The following POLD1 variants were observed in gnomAD, a reference collection of about 807,000 sequenced individuals.
The protein encoded by POLD1 is DNA polymerase delta 1, catalytic subunit.
POLD1 carries 79 observed loss-of-function variants against 129.7 expected under a neutral mutation model. The ratio of observed to expected loss-of-function variants is 0.61; its 90% CI spans 0.51 to 0.73. The LOEUF (loss-of-function observed/expected upper bound fraction) is 0.73, where lower values mean the gene tolerates loss of function less well. Among genes scored for constraint, POLD1 ranks in the 30% least tolerant of loss-of-function variants. POLD1 has a pLI of 0.00. For synonymous variants in POLD1, 714 were observed against 683.3 expected (o/e 1.04, Z -0.70); for missense variants, 1,338 against 1,595.8 (o/e 0.84, Z 2.75).
chr19:50,396,476 A>T (rs940992894), intron 1 of POLD1, among the ~76,000 whole-genome samples: 1 of 149,544 alleles, frequency 6.7e-6, no homozygotes, highest in African/African-American at 2.5e-5. Flanking sequence ...CCAAAATAAT[A>T]ATATATATAT....
In POLD1 at chr19:50,415,741, C is replaced by A; in HGVS notation, c.2735C>A (p.Pro912His). 1 of 1,560,306 alleles carries A rather than the reference C, an allele frequency of 6.4e-7. No homozygotes were observed. The highest frequency in any genetic ancestry group is 8.7e-7 in the Non-Finnish European group (1 of 1,155,672). ...ELAERMRKRD[P>H]GSAPSLGDRV... is the part of the protein sequence containing the mutation. ...CCACGCAGGATGAGGAAGCGGGACCCCGGGAGTGCGCCCAGCCTGGGCGAC... is the reference window on the plus strand; with the variant it reads ...CCACGCAGGATGAGGAAGCGGGACCACGGGAGTGCGCCCAGCCTGGGCGAC... Residue 912 changes from proline (P) to histidine (H), a missense_variant, in exon 22 of 27, where the codon CCC (proline) becomes CAC (histidine). Coordinates refer to ENST00000440232, the MANE Select transcript of POLD1 (RefSeq NM_002691.4).
intron 17 of POLD1, among the ~76,000 whole-genome samples, chr19:50,411,571 T>G (rs906494814): frequency 2.0e-5 from 3 of 152,224 alleles, no homozygotes; most frequent in Non-Finnish European, 4.4e-5. Context: ...CTGGGCGCGG[T>G]GGCTCACGCC....
rs1555790429 is a variant in POLD1 at position 50,403,147 on chromosome 19, C to T, written c.1065C>T (p.Leu355=). The change falls in exon 9 of 27, where the codon CTC becomes CTT. Residue 355 remains leucine, a synonymous_variant. Transcript: ENST00000440232. ...CGGAGCCCTTCCTACGCCTGGCGCT[C>T]ACCCTGCGGCCCTGTGCCCCCATCC... ...GEPEPFLRLA[L]TLRPCAPILG... The T allele has an allele frequency of 6.4e-7, 1 of 1,560,994 alleles. No homozygotes were observed. The highest frequency in any genetic ancestry group is 8.7e-7 in the Non-Finnish European group (1 of 1,152,298).
chr19:50,395,227 C>T lies in POLD1; in HGVS notation c.-1-3624C>T, dbSNP rs767635880. On this transcript the variant is annotated intron_variant, in intron 1 of 26. Transcript: ENST00000440232. The stretch of plus-strand genomic sequence containing the variant: ...GAAAGAATAAATAGTGTAGGCCGGG[C>T]GCGGTGGCTGGGTACAGGTACTTTT... 1.7e-5 allele frequency: 2 copies of T among 120,042 alleles called. 1 individual carries two copies. Among genetic ancestry groups the T allele is most frequent in the African/African-American group, 8.6e-5 (2 of 23,264 alleles). The allele number at this position is 120,042 out of a possible 1,614,324, so 7.4% of individuals were successfully genotyped here. A position where few individuals can be genotyped will look rare whatever the true frequency, so the allele number is the denominator to read the frequency against.
chr19:50,415,365 C>A, intron 20 of POLD1, 73 bp from the exon 21 acceptor site: 1 of 1,468,272 alleles, frequency 6.8e-7, no homozygotes, highest in South Asian at 1.2e-5. Flanking sequence ...GGTCTCCAGC[C>A]CTGAGACCCG....
Position 50,406,237 on chromosome 19 carries a change from A to T in POLD1, c.1298A>T (p.Asp433Val), listed in dbSNP as rs767560532. Residue 433 changes from aspartate to valine, a missense_variant, in exon 11 of 27, where the codon GAC becomes GTC. Coordinates refer to ENST00000440232, the MANE Select transcript of POLD1 (RefSeq NM_002691.4). The surrounding 1 kb of genome is among the most constrained non-coding windows in gnomAD (Gnocchi z 5.5). ...RVAGLCSNIR[D>V]SSFQSKQTGR... ...GCCGGCCTTTGCTCCAACATCCGGG[A>T]CTCTTCATTCCAGTCCAAGCAGACG... The T allele has an allele frequency of 1.2e-6, 2 of 1,613,192 alleles. No homozygotes were observed. Among genetic ancestry groups the T allele is most frequent in the Non-Finnish European group, 1.7e-6 (2 of 1,179,802 alleles).
intron 1 of POLD1, among the ~76,000 whole-genome samples, chr19:50,390,383 C>G (rs930466015): frequency 3.3e-5 from 5 of 151,998 alleles, no homozygotes; most frequent in African/African-American, 1.2e-4. Flanking sequence ...GTGTGTACCC[C>G]ATTTGTACCT....
At chr19:50,417,143 G>A (rs775364537) in intron 25 of POLD1, 29 bp from the exon 26 acceptor site, 3 of 1,575,048 alleles carry the variant, frequency 1.9e-6, no homozygotes, top group Admixed American at 3.7e-5. Context: ...GGAGGCGGGG[G>A]CGCCCTGCTC....
chr19:50,397,068 G>A (rs1221075809), intron 1 of POLD1, among the ~76,000 whole-genome samples: 2 of 132,398 alleles, frequency 1.5e-5, no homozygotes, highest in Admixed American at 1.6e-4. Flanking sequence ...TCCAGCCTGG[G>A]TGACAGAGCG....
Position 50,409,497 on chromosome 19 carries a change from C to T in POLD1, c.2007-22C>T. 1 of 1,613,484 alleles carries T rather than the reference C, an allele frequency of 6.2e-7. No homozygotes were observed. The highest frequency in any genetic ancestry group is 1.1e-5 in the South Asian group (1 of 91,082). ...AATGCCCAGGTGCCGCCTGAGTGTGCTTTCCCCGTGTTCCCTCGCAGGGCC... is the reference window on the plus strand; with the variant it reads ...AATGCCCAGGTGCCGCCTGAGTGTGTTTTCCCCGTGTTCCCTCGCAGGGCC... On this transcript the variant is annotated intron_variant, in intron 16 of 26. Coordinates refer to ENST00000440232, the MANE Select transcript of POLD1 (RefSeq NM_002691.4). This position sits in a 1 kb window ranked among gnomAD's most constrained non-coding sequence, Gnocchi z 5.8.
rs531977391 is a variant in POLD1 at position 50,411,835 on chromosome 19, G to A, written c.2155-1591G>A. On this transcript the variant is annotated intron_variant, in intron 17 of 26. Transcript: ENST00000440232. ...AGCCTGGGCAACAGAGCAAAACTCCGTCTCAAAAAAAAAAAAAAGTAATGA... is the reference window on the plus strand; with the variant it reads ...AGCCTGGGCAACAGAGCAAAACTCCATCTCAAAAAAAAAAAAAAGTAATGA... Among the ~76,000 whole-genome samples the A allele has an allele frequency of 1.1e-4, 15 of 135,372 alleles. No individual in the cohort carries two copies. In the South Asian group the frequency reaches 3.0e-3, roughly 27 times the overall value. The allele number at this position is 135,372 out of a possible 152,430, so 88.8% of individuals were successfully genotyped here.
At position 50,413,784 on chromosome 19, in the gene POLD1, G is replaced by C. The variant is rs759190487; in HGVS notation, c.2293G>C (p.Val765Leu). ...TGACTCCGTCATGTGCCGATTCGGC[G>C]TGTCCTCGGTGGCTGAGGCGATGGC... is the stretch of plus-strand genomic sequence containing the variant. ...DTDSVMCRFG[V>L]SSVAEAMALG... is the part of the protein sequence containing the mutation. Residue 765 changes from valine (V) to leucine (L), a missense_variant, in exon 19 of 27, where the codon GTG (valine) becomes CTG (leucine). Val to Leu is a conservative substitution (Grantham distance 32). Coordinates refer to ENST00000440232, the MANE Select transcript of POLD1 (RefSeq NM_002691.4). 6.2e-7 allele frequency: 1 copy of C among 1,611,860 alleles called. No homozygotes were observed. Among genetic ancestry groups the C allele is most frequent in the Non-Finnish European group, 8.5e-7 (1 of 1,179,604 alleles).
rs762280958 is a variant in POLD1, at chr19:50,416,634, C to T, written c.2978C>T (p.Thr993Met). ...LLRGDHTRCK[T>M]VLTGKVGGLL... ...GGGGGGGACCACACGCGCTGCAAGACGGTGCTCACGGGCAAGGTGGGCGGC... is the reference window on the plus strand; with the variant it reads ...GGGGGGGACCACACGCGCTGCAAGATGGTGCTCACGGGCAAGGTGGGCGGC... Residue 993 changes from threonine (T) to methionine (M), a missense_variant, in exon 24 of 27, where the codon ACG (threonine) becomes ATG (methionine). Thr to Met is a moderately conservative substitution (Grantham distance 81). Coordinates refer to ENST00000440232, the MANE Select transcript of POLD1 (RefSeq NM_002691.4). 13 of 1,565,678 alleles carry T rather than the reference C, an allele frequency of 8.3e-6. No homozygotes were observed. Among genetic ancestry groups the T allele is most frequent in the East Asian group, 4.7e-5 (2 of 42,254 alleles).
rs780981630 is a variant in POLD1, at chr19:50,416,597, T to C, written c.2954-13T>C. The C allele has an allele frequency of 6.4e-7, 1 of 1,553,172 alleles. No homozygotes were observed. Among genetic ancestry groups the C allele is most frequent in the Non-Finnish European group, 8.7e-7 (1 of 1,152,066 alleles). On this transcript the variant is annotated splice_polypyrimidine_tract_variant and intron_variant, in intron 23 of 26. Coordinates refer to ENST00000440232, the MANE Select transcript of POLD1 (RefSeq NM_002691.4). The stretch of plus-strand genomic sequence containing the variant: ...GGAGATCACCGGCCCACCACCTGCC[T>C]CCTCTCCTGCAGGGGGGGACCACAC...
chr19:50,406,897 A>G lies in POLD1; in HGVS notation c.1495-86A>G. ...TCACCTCCCAGGCCCTCCCCAGGCT[A>G]CCTCACCCTGACCCCCACTTCCTTC... On this transcript the variant is annotated intron_variant, in intron 12 of 26. Coordinates refer to ENST00000440232, the MANE Select transcript of POLD1 (RefSeq NM_002691.4). This position sits in a 1 kb window ranked among gnomAD's most constrained non-coding sequence, Gnocchi z 5.5. 8.9e-7 allele frequency: 1 copy of G among 1,122,520 alleles called. No individual in the cohort carries two copies. Among genetic ancestry groups the G allele is most frequent in the Non-Finnish European group, 1.3e-6 (1 of 788,590 alleles). 69.5% of individuals were successfully genotyped at this position (1,122,520 alleles called of 1,614,324 possible). A position where few individuals can be genotyped will look rare whatever the true frequency, so the allele number is the denominator to read the frequency against.
chr19:50,406,931 C>T lies in POLD1; in HGVS notation c.1495-52C>T, dbSNP rs919548643. 3.6e-6 allele frequency: 5 copies of T among 1,392,008 alleles called. No individual in the cohort carries two copies. The African/African-American group carries it at 7.1e-5, about 20-fold the overall frequency. 86.2% of individuals were successfully genotyped at this position (1,392,008 alleles called of 1,614,324 possible). A position where few individuals can be genotyped will look rare whatever the true frequency, so the allele number is the denominator to read the frequency against. On this transcript the variant is annotated intron_variant, in intron 12 of 26. Transcript: ENST00000440232. This position sits in a 1 kb window ranked among gnomAD's most constrained non-coding sequence, Gnocchi z 5.5. The stretch of plus-strand genomic sequence containing the variant: ...TGACCCCCACTTCCTTCTCCTGCTC[C>T]ACCTCCCACCCCCAACCCCTGGTCC...
In POLD1 at chr19:50,406,146, CCG is replaced by C. The variant is rs772986545; in HGVS notation, c.1243-34_1243-33del. The C allele has an allele frequency of 6.3e-7, 1 of 1,599,558 alleles. No individual in the cohort carries two copies. Among genetic ancestry groups the C allele is most frequent in the African/African-American group, 1.3e-5 (1 of 74,702 alleles). Reference sequence around the variant, plus strand: ...TTCTTCAGGCTTATGTGACGGGGACCCGCAGCCTGCTGCACACCCTGCCTCTC... The same window carrying C: ...TTCTTCAGGCTTATGTGACGGGGACCCAGCCTGCTGCACACCCTGCCTCTC... On this transcript the variant is annotated intron_variant, in intron 10 of 26. Coordinates refer to ENST00000440232, the MANE Select transcript of POLD1 (RefSeq NM_002691.4). This position sits in a 1 kb window ranked among gnomAD's most constrained non-coding sequence, Gnocchi z 5.5.
At chr19:50,392,177 CCTCCCACCTCAGT>C (rs1335049822) in intron 1 of POLD1, among the ~76,000 whole-genome samples, 5 of 151,160 alleles carry the variant, frequency 3.3e-5, no homozygotes, top group African/African-American at 1.2e-4. Flanking sequence ...TTCAAGTGAT[CCTCCCACCTCAGT>C]CTCCCAAGTA....
chr19:50,391,750 TTGCCCGGGCTGGAG>T (rs1260775035), intron 1 of POLD1, among the ~76,000 whole-genome samples: 1 of 151,946 alleles, frequency 6.6e-6, no homozygotes, highest in Non-Finnish European at 1.5e-5. Flanking sequence ...CCCGCTCTTG[TTGCCCGGGCTGGAG>T]TGCAATGGCG....
Sources: gnomAD v4.1 joint callset for allele counts (sites outside exome capture counted in the v4.1 genomes callset) on GRCh38, gnomAD v4.1.1 for gene constraint, Gnocchi (gnomAD v3.1) non-coding constraint, MANE v1.5 for transcripts, NCBI Gene and HGNC (gene_info 2026-07-23, HGNC 2026-07-21) for gene names.